LRRTM4: variants seen among roughly 807,000 people sequenced by gnomAD.
The protein encoded by LRRTM4 is leucine rich repeat transmembrane neuronal 4.
Under a neutral mutation model 47.6 loss-of-function variants are expected in LRRTM4, and 25 were observed. The observed-to-expected ratio is 0.53, with a 90% CI of 0.38 to 0.73. The LOEUF is 0.73. Among genes scored for constraint, LRRTM4 ranks in the 30% least tolerant of loss-of-function variants. The pLI, the probability that LRRTM4 is intolerant of heterozygous loss-of-function variation, is 0.00. For missense variants in LRRTM4, 638 were observed against 713.4 expected (o/e 0.89, Z 1.20); for synonymous variants, 311 against 269.5 (o/e 1.15, Z -1.51).
At chr2:76,955,002 G>A (rs1056576397) in intron 3 of LRRTM4, among the ~76,000 whole-genome samples, 2 of 151,612 alleles carry the variant, frequency 1.3e-5, no homozygotes, top group African/African-American at 2.4e-5. Flanking sequence ...GAAATGAAGG[G>A]GAAACAAAGA....
chr2:77,456,307 C>T (rs2103961916), intron 3 of LRRTM4, among the ~76,000 whole-genome samples: 1 of 152,228 alleles, frequency 6.6e-6, no homozygotes, highest in South Asian at 2.1e-4. Flanking sequence ...GTGATCTTTT[C>T]TAATAATTCA....
At position 77,129,212 on chromosome 2, in the gene LRRTM4, G is replaced by A. The variant is rs147839615; in HGVS notation, c.1552-380296C>T. On this transcript the variant is annotated intron_variant, in intron 3 of 3. Transcript: ENST00000409884. ...GTATTGTTACTGTCTGCTATGAAGCGAGACCCATTAGTTTTTTTCTTTGGT... is the reference window on the plus strand; with the variant it reads ...GTATTGTTACTGTCTGCTATGAAGCAAGACCCATTAGTTTTTTTCTTTGGT... Among the ~76,000 whole-genome samples, 751 of 152,264 alleles carry A rather than the reference G, an allele frequency of 4.9e-3. 2 individuals are homozygous for A. Among genetic ancestry groups the A allele is most frequent in the Non-Finnish European group, 7.5e-3 (510 of 68,008 alleles).
chr2:77,220,298 C>T (rs933203335), intron 3 of LRRTM4, among the ~76,000 whole-genome samples: 1 of 152,120 alleles, frequency 6.6e-6, no homozygotes, highest in South Asian at 2.1e-4. Context: ...AATCAGAGCA[C>T]CTCTCCTCCT....
At chr2:77,332,754 G>A (rs930277204) in intron 3 of LRRTM4, among the ~76,000 whole-genome samples, 1 of 152,032 alleles carries the variant, frequency 6.6e-6, no homozygotes, top group Non-Finnish European at 1.5e-5. Flanking sequence ...GTCACTAATT[G>A]TTTTACTGCA....
At chr2:77,031,105 G>A (rs1678637081) in intron 3 of LRRTM4, among the ~76,000 whole-genome samples, 1 of 152,006 alleles carries the variant, frequency 6.6e-6, no homozygotes, top group Non-Finnish European at 1.5e-5. Flanking sequence ...ATCTTATGTA[G>A]AACATACATT....
At chr2:76,821,325 A>G (rs983713439) in intron 3 of LRRTM4, among the ~76,000 whole-genome samples, 6 of 151,682 alleles carry the variant, frequency 4.0e-5, no homozygotes, top group Non-Finnish European at 7.4e-5. Flanking sequence ...AAAAATGCAT[A>G]TGTCTGGCTC....
At chr2:77,448,481 C>CA (rs1286583860) in intron 3 of LRRTM4, among the ~76,000 whole-genome samples, 1 of 152,036 alleles carries the variant, frequency 6.6e-6, no homozygotes, top group Non-Finnish European at 1.5e-5. Context: ...ATTGTATTAT[C>CA]AAAAAAATCT....
chr2:77,465,656 C>G (rs978910121), intron 3 of LRRTM4, among the ~76,000 whole-genome samples: 10 of 152,096 alleles, frequency 6.6e-5, no homozygotes, highest in African/African-American at 2.4e-4. Context: ...ATCTAAGATT[C>G]TCCAACCCAC....
chr2:76,766,250 T>C (rs1416628994), intron 3 of LRRTM4, among the ~76,000 whole-genome samples: 2 of 152,212 alleles, frequency 1.3e-5, no homozygotes, highest in African/African-American at 4.8e-5. Context: ...GAATTGTTCC[T>C]TTCTTGTGCT....
chr2:76,757,096 T>C (rs1573055975), intron 3 of LRRTM4, among the ~76,000 whole-genome samples: 1 of 152,260 alleles, frequency 6.6e-6, no homozygotes, highest in South Asian at 2.1e-4. Context: ...ATGCCTCATT[T>C]CCATTTCTTT....
At chr2:77,473,354 T>A (rs1677262859) in intron 3 of LRRTM4, among the ~76,000 whole-genome samples, 2 of 152,100 alleles carry the variant, frequency 1.3e-5, no homozygotes, top group South Asian at 2.1e-4. Flanking sequence ...ATAAGCTCAT[T>A]TTTATAACAA....
intron 3 of LRRTM4, among the ~76,000 whole-genome samples, chr2:77,088,585 G>T (rs566716264): frequency 4.6e-5 from 7 of 151,914 alleles, no homozygotes; most frequent in African/African-American, 1.5e-4. Context: ...CTCTCTTTTC[G>T]GACTCAGCCC....
chr2:77,427,888 T>C (rs1385764810), intron 3 of LRRTM4, among the ~76,000 whole-genome samples: 1 of 152,176 alleles, frequency 6.6e-6, no homozygotes, highest in Admixed American at 6.5e-5. Context: ...AACTTTCCCA[T>C]TTACCAACTG....
intron 3 of LRRTM4, among the ~76,000 whole-genome samples, chr2:77,057,818 T>C (rs1346117585): frequency 6.6e-6 from 1 of 152,138 alleles, no homozygotes; most frequent in South Asian, 2.1e-4. Context: ...CTATTAAGGA[T>C]AGATATGAAG....
Position 77,075,743 on chromosome 2 carries a change from G to A in LRRTM4, c.1552-326827C>T, listed in dbSNP as rs530835449. Among the ~76,000 whole-genome samples, 352 of 150,310 alleles carry A rather than the reference G, an allele frequency of 2.3e-3. 3 individuals carry two copies. The highest frequency in any genetic ancestry group is 8.1e-3 in the African/African-American group (329 of 40,700). ...ATCCTGGCTAACAAGGTGAAACCCC[G>A]TCTCTACTAAAAATACAAAAAATTA... is the stretch of plus-strand genomic sequence containing the variant. On this transcript the variant is annotated intron_variant, in intron 3 of 3. Coordinates refer to ENST00000409884, the MANE Select transcript of LRRTM4 (RefSeq NM_001134745.3).
intron 3 of LRRTM4, among the ~76,000 whole-genome samples, chr2:77,463,961 T>C (rs67131867): frequency 0.095 from 14,383 of 152,124 alleles, 890 homozygotes; most frequent in East Asian, 0.2. Flanking sequence ...AATTGATGAA[T>C]GGATGAATAC....
intron 3 of LRRTM4, among the ~76,000 whole-genome samples, chr2:77,011,949 C>T (rs1677891696): frequency 6.6e-6 from 1 of 151,862 alleles, no homozygotes; most frequent in African/African-American, 2.4e-5. Flanking sequence ...AAGGAAGATA[C>T]CACCCCACAT....
At chr2:77,250,175 G>C (rs1675564890) in intron 3 of LRRTM4, among the ~76,000 whole-genome samples, 1 of 152,088 alleles carries the variant, frequency 6.6e-6, no homozygotes, top group South Asian at 2.1e-4. Context: ...AGGGAGGGAG[G>C]TATACCATGG....
intron 3 of LRRTM4, among the ~76,000 whole-genome samples, chr2:76,943,006 G>A (rs777056098): frequency 3.9e-5 from 6 of 151,994 alleles, no homozygotes; most frequent in Non-Finnish European, 7.4e-5. Flanking sequence ...AAGAACAAGA[G>A]CAACATGATT....
Sources: gnomAD v4.1 joint callset for allele counts (sites outside exome capture counted in the v4.1 genomes callset) on GRCh38, gnomAD v4.1.1 for gene constraint, MANE v1.5 for transcripts, NCBI Gene and HGNC (gene_info 2026-07-23, HGNC 2026-07-21) for gene names.